The following CTSZ variants were observed in gnomAD, a reference collection of about 807,000 sequenced individuals.
CTSZ encodes carboxypeptidase LB.
In CTSZ, 39 loss-of-function variants were observed where a neutral mutation model predicts 32.4. The observed-to-expected ratio is 1.20, with a 90% CI of 0.93 to 1.57. The LOEUF (loss-of-function observed/expected upper bound fraction) is 1.57. CTSZ is among the 40% of genes most tolerant of loss of function. The pLI is 0.00. For missense variants in CTSZ, 397 were observed against 419.6 expected (o/e 0.95, Z 0.47); for synonymous variants, 168 against 170.1 (o/e 0.99, Z 0.10).
chr20:59,006,556 G>A, intron 1 of CTSZ, 71 bp from the exon 2 acceptor site: 2 of 1,496,746 alleles, frequency 1.3e-6, no homozygotes, highest in South Asian at 2.5e-5. Context: ...GAAGCCCTCG[G>A]TAGGGCCCTC....
In CTSZ at chr20:58,997,546, C is replaced by G. The variant is rs2091867019; in HGVS notation, c.638+57G>C. 16 of 1,471,630 alleles carry G rather than the reference C, an allele frequency of 1.1e-5. 1 individual carries two copies. In the South Asian group the frequency reaches 1.6e-4, roughly 15 times the overall value. 91.2% of individuals were successfully genotyped at this position (1,471,630 alleles called of 1,614,324 possible). On this transcript the variant is annotated intron_variant, in intron 4 of 5. Coordinates refer to ENST00000217131, the MANE Select transcript of CTSZ (RefSeq NM_001336.4). Reference sequence around the variant, plus strand: ...TCCTCACCCGCGGGACCTTTCCTCACCCGCGGGACCTTTCCTCACCCGCAA... The same window carrying G: ...TCCTCACCCGCGGGACCTTTCCTCAGCCGCGGGACCTTTCCTCACCCGCAA...
intron 3 of CTSZ, among the ~76,000 whole-genome samples, chr20:58,999,185 G>A (rs573606893): frequency 1.3e-5 from 2 of 152,246 alleles, no homozygotes; most frequent in African/African-American, 4.8e-5. Context: ...ACAGGCGCAT[G>A]CCACCGCGCT....
At chr20:58,997,029 C>T (rs530394973) in intron 4 of CTSZ, among the ~76,000 whole-genome samples, 5 of 151,888 alleles carry the variant, frequency 3.3e-5, no homozygotes, top group Admixed American at 2.0e-4. Flanking sequence ...TGGTGGTGTG[C>T]GCCAGTAGTC....
chr20:59,006,279 G>T (rs374531729), intron 2 of CTSZ, 43 bp downstream of exon 2: 10 of 1,546,926 alleles, frequency 6.5e-6, no homozygotes, highest in Non-Finnish European at 8.7e-6. Flanking sequence ...ACAGGCAGCC[G>T]GGATGGGCTT....
At chr20:58,998,100 T>A (rs1368119448) in intron 3 of CTSZ, among the ~76,000 whole-genome samples, 1 of 152,132 alleles carries the variant, frequency 6.6e-6, no homozygotes, top group African/African-American at 2.4e-5. Flanking sequence ...TAGCACTTAA[T>A]AAAATGTCTC....
At position 59,007,230 on chromosome 20, in the gene CTSZ, C is replaced by CCGGTCT; in HGVS notation, c.-103_-102insAGACCG. 2 of 1,262,668 alleles carry CCGGTCT rather than the reference C, an allele frequency of 1.6e-6. No individual in the cohort carries two copies. The highest frequency in any genetic ancestry group is 2.0e-6 in the Non-Finnish European group (2 of 1,006,774). 78.2% of individuals were successfully genotyped at this position (1,262,668 alleles called of 1,614,324 possible). On this transcript the variant is annotated 5_prime_UTR_variant, in exon 1 of 6. Coordinates refer to ENST00000217131, the MANE Select transcript of CTSZ (RefSeq NM_001336.4). ...TCCCGCCCCGGCCTCGGCCTCGGCC[C>CCGGTCT]AGCACCCGGCCGACCCCGCACTTTG... is the stretch of plus-strand genomic sequence containing the variant.
At chr20:59,006,562 C>T (rs1056165806) in intron 1 of CTSZ, 77 bp from the exon 2 acceptor site, 1 of 1,465,060 alleles carries the variant, frequency 6.8e-7, no homozygotes, top group Admixed American at 1.9e-5. Flanking sequence ...CTCGGTAGGG[C>T]CCTCCCGCCT....
intron 2 of CTSZ, among the ~76,000 whole-genome samples, chr20:59,005,097 C>G (rs1188110808): frequency 6.6e-6 from 1 of 152,112 alleles, no homozygotes; most frequent in Non-Finnish European, 1.5e-5. Context: ...TAGACTCTGC[C>G]CAGTCCTCTG....
At chr20:59,001,029 G>A (rs941440154) in intron 3 of CTSZ, among the ~76,000 whole-genome samples, 20 of 151,990 alleles carry the variant, frequency 1.3e-4, no homozygotes, top group Admixed American at 9.2e-4. Flanking sequence ...GGATTTCACC[G>A]TGTTGGCCAG....
intron 3 of CTSZ, among the ~76,000 whole-genome samples, 180 bp from the exon 4 acceptor site, chr20:58,997,933 T>C (rs1208440277): frequency 6.6e-6 from 1 of 152,180 alleles, no homozygotes; most frequent in African/African-American, 2.4e-5. Context: ...GCCAGGGAGT[T>C]ATGAAAAGCC....
chr20:58,999,012 C>T (rs1222889024), intron 3 of CTSZ, among the ~76,000 whole-genome samples: 2 of 152,046 alleles, frequency 1.3e-5, no homozygotes, highest in South Asian at 2.1e-4. Context: ...GACTATTTAT[C>T]GCAATCAGGT....
At chr20:58,997,577 T>C in intron 4 of CTSZ, 26 bp downstream of exon 4, 2 of 1,519,984 alleles carry the variant, frequency 1.3e-6, no homozygotes, top group Non-Finnish European at 1.8e-6. Context: ...CGCAAACCTC[T>C]CTTTGCCCGC....
At chr20:58,996,491 C>A (rs904780289) in intron 5 of CTSZ, 148 bp downstream of exon 5, 16 of 808,774 alleles carry the variant, frequency 2.0e-5, no homozygotes, top group Admixed American at 1.1e-4. Flanking sequence ...CCCCAAAAGC[C>A]ACTCGCGCGG....
chr20:58,997,328 C>T (rs774731531), intron 4 of CTSZ: 3 of 318,246 alleles, frequency 9.4e-6, no homozygotes, highest in Non-Finnish European at 1.1e-5. Context: ...CCGCATTCCG[C>T]ACAACCATCC....
Position 58,995,372 on chromosome 20 carries a change from G to C in CTSZ, c.*277C>G. Reference sequence around the variant, plus strand: ...ACAAAATATCAAGTCCTCTGCTGAAGAAGACTGAGGTCCCATCGTTTCCTG... The same window carrying C: ...ACAAAATATCAAGTCCTCTGCTGAACAAGACTGAGGTCCCATCGTTTCCTG... On this transcript the variant is annotated 3_prime_UTR_variant, in exon 6 of 6. Transcript: ENST00000217131. The C allele has an allele frequency of 2.8e-6, 1 of 355,094 alleles. No homozygotes were observed. The highest frequency in any genetic ancestry group is 5.1e-6 in the Non-Finnish European group (1 of 197,234). The allele number at this position is 355,094 out of a possible 1,614,324, so 22.0% of individuals were successfully genotyped here.
intron 3 of CTSZ, among the ~76,000 whole-genome samples, chr20:58,998,552 A>AAAAAAAAAGAAAG (rs368429073): frequency 8.9e-5 from 13 of 145,352 alleles, no homozygotes; most frequent in African/African-American, 2.6e-4. Flanking sequence ...GTCTCAAAAA[A>AAAAAAAAAGAAAG]AAAGAAAGAA....
At chr20:58,997,071 AG>A (rs900582226) in intron 4 of CTSZ, among the ~76,000 whole-genome samples, 2 of 146,952 alleles carry the variant, frequency 1.4e-5, no homozygotes, top group African/African-American at 5.0e-5. Flanking sequence ...CTGAGGCGGG[AG>A]GATAGCTTGA....
At chr20:58,997,239 C>G (rs1177416800) in intron 4 of CTSZ, among the ~76,000 whole-genome samples, 1 of 151,180 alleles carries the variant, frequency 6.6e-6, no homozygotes, top group Non-Finnish European at 1.5e-5. Flanking sequence ...TCTGACGGTT[C>G]TGGATAAACT....
At position 59,006,944 on chromosome 20, in the gene CTSZ, G is replaced by GGCCTCCCGTCCCCCCAGGGCT. The variant is rs761462876; in HGVS notation, c.143+21_143+41dup. ...GAGCGCGCGCCTGGCCCGGGCGATG[G>GGCCTCCCGTCCCCCCAGGGCT]GCCTCCCGTCCCCCCAGGGCTGCCT... On this transcript the variant is annotated intron_variant, in intron 1 of 5. Coordinates refer to ENST00000217131, the MANE Select transcript of CTSZ (RefSeq NM_001336.4). The GGCCTCCCGTCCCCCCAGGGCT allele has an allele frequency of 1.6e-4, 225 of 1,364,572 alleles. 2 individuals are homozygous for GGCCTCCCGTCCCCCCAGGGCT. In the East Asian group the frequency reaches 3.4e-3, roughly 21 times the overall value. The allele number at this position is 1,364,572 out of a possible 1,614,324, so 84.5% of individuals were successfully genotyped here. A position where few individuals can be genotyped will look rare whatever the true frequency, so the allele number is the denominator to read the frequency against.
Sources: allele counts gnomAD v4.1 joint callset (sites outside exome capture counted in the v4.1 genomes callset), GRCh38; gene constraint gnomAD v4.1.1; transcripts MANE v1.5; gene names NCBI Gene and HGNC (gene_info 2026-07-23, HGNC 2026-07-21).